The following IKZF3 variants were observed in gnomAD, a reference collection of about 807,000 sequenced individuals.
IKZF3 encodes the protein zinc finger protein Aiolos.
IKZF3 carries 10 observed loss-of-function variants against 49.0 expected under a neutral mutation model. The observed-to-expected ratio is 0.20, with a 90% CI of 0.13 to 0.35. The LOEUF (loss-of-function observed/expected upper bound fraction) is 0.35, where lower values mean the gene tolerates loss of function less well. Among genes scored for constraint, IKZF3 ranks in the 10% least tolerant of loss-of-function variants. The probability of loss-of-function intolerance (pLI) is 1.00; values close to 1 mark genes in which losing one functional copy is unlikely to be tolerated. For missense variants in IKZF3, 498 were observed against 664.8 expected (o/e 0.75, Z 2.76); for synonymous variants, 209 against 228.2 (o/e 0.92, Z 0.76).
chr17:39,816,286 A>G (rs1475233526), intron 3 of IKZF3, among the ~76,000 whole-genome samples: 1 of 152,210 alleles, frequency 6.6e-6, no homozygotes, highest in African/African-American at 2.4e-5. Flanking sequence ...TGATTTTTAA[A>G]ATAATAGTAT....
At chr17:39,829,986 G>T (rs1179759265) in intron 2 of IKZF3, among the ~76,000 whole-genome samples, 1 of 152,034 alleles carries the variant, frequency 6.6e-6, no homozygotes, top group African/African-American at 2.4e-5. Flanking sequence ...ATATGCCCAG[G>T]GTTCATGTAC....
intron 3 of IKZF3, among the ~76,000 whole-genome samples, chr17:39,802,159 T>G (rs974525063): frequency 3.6e-5 from 5 of 137,698 alleles, no homozygotes; most frequent in African/African-American, 1.4e-4. Flanking sequence ...GAGGCGGAGC[T>G]TGCAGTGAGC....
In IKZF3 at chr17:39,762,016, TTTGG is replaced by T. The variant is rs1227689635; in HGVS notation, c.*3770_*3773del. The stretch of plus-strand genomic sequence containing the variant: ...TATCGCGCCCGGCCCTTTGCATGGG[TTTGG>T]TTGTTCCTCAGACCGTGGCCTCCTG... On this transcript the variant is annotated 3_prime_UTR_variant, in exon 8 of 8. Coordinates refer to ENST00000346872, the MANE Select transcript of IKZF3 (RefSeq NM_012481.5). The T allele has an allele frequency of 6.6e-6, 1 of 152,100 alleles. No homozygotes were observed. The highest frequency in any genetic ancestry group is 2.4e-5 in the African/African-American group (1 of 41,382). 9.4% of individuals were successfully genotyped at this position (152,100 alleles called of 1,614,324 possible).
intron 1 of IKZF3, among the ~76,000 whole-genome samples, chr17:39,849,274 AAC>A (rs1441951377): frequency 2.0e-5 from 3 of 150,498 alleles, no homozygotes; most frequent in South Asian, 2.1e-4. Flanking sequence ...TCTCTACTAA[AAC>A]AATACAAAAA....
At chr17:39,814,326 C>T (rs917658590) in intron 3 of IKZF3, among the ~76,000 whole-genome samples, 2 of 151,926 alleles carry the variant, frequency 1.3e-5, no homozygotes, top group African/African-American at 2.4e-5. Flanking sequence ...ATAGCTTGTA[C>T]AGAATGGAAG....
chr17:39,814,117 C>T (rs1426653146), intron 3 of IKZF3, among the ~76,000 whole-genome samples: 1 of 152,144 alleles, frequency 6.6e-6, no homozygotes, highest in Non-Finnish European at 1.5e-5. Context: ...GGGACCGAGA[C>T]TATGCCATGG....
chr17:39,826,374 A>C (rs935833220), intron 3 of IKZF3, among the ~76,000 whole-genome samples: 2 of 152,232 alleles, frequency 1.3e-5, no homozygotes, highest in Admixed American at 1.3e-4. Context: ...AATGGACAAC[A>C]TCCTGTTTGG....
chr17:39,860,237 TTAAAAA>T (rs1322147070), intron 1 of IKZF3, among the ~76,000 whole-genome samples: 1 of 151,032 alleles, frequency 6.6e-6, no homozygotes, highest in Non-Finnish European at 1.5e-5. Context: ...GACTATCTCT[TTAAAAA>T]TAATAATAAA....
At chr17:39,823,397 A>T (rs985459702) in intron 3 of IKZF3, among the ~76,000 whole-genome samples, 1 of 152,168 alleles carries the variant, frequency 6.6e-6, no homozygotes, top group Non-Finnish European at 1.5e-5. Flanking sequence ...AGTTTGGAAA[A>T]TTTGCAGCCT....
At chr17:39,792,538 T>A in intron 4 of IKZF3, 135 bp downstream of exon 4, 1 of 868,270 alleles carries the variant, frequency 1.2e-6, no homozygotes, top group East Asian at 2.6e-5. Flanking sequence ...TGAACAGCAA[T>A]GCAGAGAGAG....
intron 3 of IKZF3, among the ~76,000 whole-genome samples, chr17:39,827,416 C>T (rs1598132060): frequency 6.6e-6 from 1 of 152,106 alleles, no homozygotes; most frequent in Non-Finnish European, 1.5e-5. Context: ...GCCTTAGCCT[C>T]CTGAGTAGCT....
At chr17:39,804,806 A>G (rs1598061746) in intron 3 of IKZF3, among the ~76,000 whole-genome samples, 1 of 152,104 alleles carries the variant, frequency 6.6e-6, no homozygotes, top group East Asian at 1.9e-4. Flanking sequence ...TCACTTATTT[A>G]CTTATATCCT....
intron 3 of IKZF3, among the ~76,000 whole-genome samples, chr17:39,798,341 C>A (rs1381071596): frequency 6.6e-6 from 1 of 152,096 alleles, no homozygotes; most frequent in African/African-American, 2.4e-5. Context: ...AACTCAGAAA[C>A]AAATAATTTA....
In IKZF3 at chr17:39,864,198, G is replaced by C. The variant is rs896605516; in HGVS notation, c.-72C>G. 1 of 1,550,912 alleles carries C rather than the reference G, an allele frequency of 6.4e-7. No individual in the cohort carries two copies. The highest frequency in any genetic ancestry group is 1.4e-5 in the African/African-American group (1 of 70,798). On this transcript the variant is annotated 5_prime_UTR_variant, in exon 1 of 8. Coordinates refer to ENST00000346872, the MANE Select transcript of IKZF3 (RefSeq NM_012481.5). ...CTCCACGTGCTCCTGCCGTCGCCTG[G>C]ACTCAGCGCGCAGCTGGCGGGAGAT...
At chr17:39,860,644 C>T (rs1331624060) in intron 1 of IKZF3, among the ~76,000 whole-genome samples, 2 of 152,140 alleles carry the variant, frequency 1.3e-5, no homozygotes, top group East Asian at 1.9e-4. Context: ...TCACTTATGA[C>T]GGGGAGCTAA....
At position 39,760,037 on chromosome 17, in the gene IKZF3, T is replaced by A. The variant is rs2060143664; in HGVS notation, c.*5753A>T. ...TGTCCCAGAGTTTCCAAATCTCTGC[T>A]AGAGTCCAACATACCTCTTCTCAGT... On this transcript the variant is annotated 3_prime_UTR_variant, in exon 8 of 8. Coordinates refer to ENST00000346872, the MANE Select transcript of IKZF3 (RefSeq NM_012481.5). The A allele has an allele frequency of 1.3e-5, 2 of 152,196 alleles. No individual in the cohort carries two copies. The highest frequency in any genetic ancestry group is 4.8e-5 in the African/African-American group (2 of 41,446). The allele number at this position is 152,196 out of a possible 1,614,324, so 9.4% of individuals were successfully genotyped here. A position where few individuals can be genotyped will look rare whatever the true frequency, so the allele number is the denominator to read the frequency against.
At chr17:39,851,057 G>A (rs1334846918) in intron 1 of IKZF3, among the ~76,000 whole-genome samples, 1 of 143,992 alleles carries the variant, frequency 6.9e-6, no homozygotes, top group Non-Finnish European at 1.5e-5. Context: ...TATACTATGT[G>A]TATATATATA....
In IKZF3 at chr17:39,758,794, A is replaced by C. The variant is rs1046762032; in HGVS notation, c.*6996T>G. ...CTTGTGCATTAAAACAACATGAAGG[A>C]AACTGTTAGAGATCAGTTACCTCCA... On this transcript the variant is annotated 3_prime_UTR_variant, in exon 8 of 8. Coordinates refer to ENST00000346872, the MANE Select transcript of IKZF3 (RefSeq NM_012481.5). 1.3e-5 allele frequency: 2 copies of C among 149,528 alleles called. No homozygotes were observed. The highest frequency in any genetic ancestry group is 5.0e-5 in the African/African-American group (2 of 40,326). The allele number at this position is 149,528 out of a possible 1,614,324, so 9.3% of individuals were successfully genotyped here.
At chr17:39,812,329 A>G (rs942123943) in intron 3 of IKZF3, among the ~76,000 whole-genome samples, 3 of 152,156 alleles carry the variant, frequency 2.0e-5, no homozygotes, top group African/African-American at 7.2e-5. Flanking sequence ...TGGGCTGACA[A>G]ATTACAAAAA....
Sources: gnomAD v4.1 joint callset for allele counts (sites outside exome capture counted in the v4.1 genomes callset) on GRCh38, gnomAD v4.1.1 for gene constraint, MANE v1.5 for transcripts, NCBI Gene and HGNC (gene_info 2026-07-23, HGNC 2026-07-21) for gene names.